Variants in SMARCA2 observed in about 807,000 individuals in gnomAD.
SMARCA2 encodes the protein SWI/SNF-related matrix-associated actin-dependent regulator of chromatin subfamily A member 2.
In SMARCA2, 61 loss-of-function variants were observed where a neutral mutation model predicts 199.8. The ratio of observed to expected loss-of-function variants is 0.31; its 90% CI spans 0.25 to 0.38. SMARCA2 has a LOEUF of 0.38. Ranked by LOEUF, SMARCA2 falls within the 10% of genes least tolerant of loss-of-function variation. SMARCA2 has a pLI of 1.00. For missense variants in SMARCA2, 1,344 were observed against 2,012.2 expected, an observed-to-expected ratio of 0.67 and a Z score of 6.35; for synonymous variants, 935 against 732.0, an observed-to-expected ratio of 1.28 and a Z score of -4.48.
chr9:2,054,461 T>C, intron 5 of SMARCA2, 136 bp from the exon 6 acceptor site: 3 of 1,015,952 alleles, frequency 3.0e-6, no homozygotes, highest in Non-Finnish European at 4.4e-6. Context: ...TCTAGTTGGG[T>C]GTTAGAGATC....
At chr9:2,187,114 A>T (rs796104718) in intron 32 of SMARCA2, among the ~76,000 whole-genome samples, 7 of 150,006 alleles carry the variant, frequency 4.7e-5, no homozygotes, top group African/African-American at 1.7e-4. Context: ...AATTTTGCAT[A>T]GAATTTTTTT....
At chr9:2,057,188 C>T (rs11794868) in intron 7 of SMARCA2, among the ~76,000 whole-genome samples, 1 of 152,198 alleles carries the variant, frequency 6.6e-6, no homozygotes, top group African/African-American at 2.4e-5. Flanking sequence ...GGCTGGAAGC[C>T]TGAGATCAGG....
Position 2,073,051 on chromosome 9 carries a change from G to A in SMARCA2, c.1747-161G>A, listed in dbSNP as rs1358512552. On this transcript the variant is annotated intron_variant, in intron 10 of 33. Coordinates refer to ENST00000349721, the MANE Select transcript of SMARCA2 (RefSeq NM_003070.5). ...GCATTTTCAGTTTCTTTAGTGGGAG[G>A]TAGCCTCTCACCTCCCACCAACACT... is the stretch of plus-strand genomic sequence containing the variant. 8.2e-6 allele frequency: 6 copies of A among 730,350 alleles called. No homozygotes were observed. The East Asian group carries it at 1.4e-4, about 17-fold the overall frequency. The allele number at this position is 730,350 out of a possible 1,614,324, so 45.2% of individuals were successfully genotyped here.
At chr9:2,183,645 A>G (rs1827216414) in intron 31 of SMARCA2, among the ~76,000 whole-genome samples, 1 of 152,204 alleles carries the variant, frequency 6.6e-6, no homozygotes, top group African/African-American at 2.4e-5. Flanking sequence ...AAAGGAATAG[A>G]GAAATCTTCA....
In SMARCA2 at chr9:2,169,138, C is replaced by T. The variant is rs1030251751; in HGVS notation, c.4200-1281C>T. Among the ~76,000 whole-genome samples the T allele has an allele frequency of 6.6e-6, 1 of 152,172 alleles. No homozygotes were observed. Among genetic ancestry groups the T allele is most frequent in the African/African-American group, 2.4e-5 (1 of 41,428 alleles). The stretch of plus-strand genomic sequence containing the variant: ...CACTCAGAGTCCCCTCAACCTGCTC[C>T]TAATTGTCCCTACAAGACACCCGTT... On this transcript the variant is annotated intron_variant, in intron 28 of 33. Coordinates refer to ENST00000349721, the MANE Select transcript of SMARCA2 (RefSeq NM_003070.5). This position sits in a 1 kb window ranked among gnomAD's most constrained non-coding sequence, Gnocchi z 6.5.
At chr9:2,122,213 T>C (rs1227185863) in intron 26 of SMARCA2, among the ~76,000 whole-genome samples, 1 of 152,212 alleles carries the variant, frequency 6.6e-6, no homozygotes, top group Non-Finnish European at 1.5e-5. Context: ...TCCATAGAAA[T>C]GTATTGATTA....
chr9:2,164,567 A>G (rs1825848960), intron 28 of SMARCA2, among the ~76,000 whole-genome samples: 1 of 152,312 alleles, frequency 6.6e-6, no homozygotes, highest in East Asian at 1.9e-4. Context: ...TCAGCCTTTC[A>G]GACTTTGAGG....
intron 12 of SMARCA2, chr9:2,074,953 T>G (rs1304619618): frequency 1.3e-5 from 2 of 152,230 alleles, no homozygotes; most frequent in African/African-American, 4.8e-5. Flanking sequence ...TTTAAAGGTG[T>G]CTTGTTTACT....
intron 7 of SMARCA2, chr9:2,058,053 AG>A (rs1820432604): frequency 2.6e-6 from 1 of 391,872 alleles, no homozygotes; most frequent in Non-Finnish European, 4.7e-6. Context: ...CTCAAGGCTA[AG>A]GAGGCTTCTC....
chr9:2,051,667 G>A (rs1009556043), intron 5 of SMARCA2, among the ~76,000 whole-genome samples: 5 of 152,218 alleles, frequency 3.3e-5, no homozygotes, highest in African/African-American at 1.2e-4. Flanking sequence ...GGGATAGTTT[G>A]AGTTCTAGGA....
At chr9:2,158,757 T>G (rs1045877604) in intron 27 of SMARCA2, 1 of 462,018 alleles carries the variant, frequency 2.2e-6, no homozygotes, top group African/African-American at 2.0e-5. Flanking sequence ...AAAATCTCCA[T>G]GAATAATTTT....
intron 32 of SMARCA2, among the ~76,000 whole-genome samples, chr9:2,187,623 G>C (rs1827562860): frequency 6.6e-6 from 1 of 151,980 alleles, no homozygotes; most frequent in African/African-American, 2.4e-5. Flanking sequence ...GCTGCAGTGA[G>C]CTATGATCAT....
At chr9:2,097,328 T>A in intron 20 of SMARCA2, 57 bp from the exon 21 acceptor site, 1 of 1,140,398 alleles carries the variant, frequency 8.8e-7, no homozygotes, top group Non-Finnish European at 1.3e-6. Flanking sequence ...GTGAAGGATC[T>A]GAAATGTCTG....
chr9:2,036,427 T>G (rs1156297582), intron 3 of SMARCA2, among the ~76,000 whole-genome samples: 1 of 152,204 alleles, frequency 6.6e-6, no homozygotes, highest in African/African-American at 2.4e-5. Flanking sequence ...ACTGTCATCC[T>G]ACAGACCAAT....
At chr9:2,077,851 A>T in intron 14 of SMARCA2, 75 bp downstream of exon 14, 1 of 1,359,594 alleles carries the variant, frequency 7.4e-7, no homozygotes, top group South Asian at 1.3e-5. Flanking sequence ...TGTCGTGCAC[A>T]TGTTGACTAA....
chr9:2,079,332 C>T (rs1224609366), intron 14 of SMARCA2, among the ~76,000 whole-genome samples: 1 of 152,204 alleles, frequency 6.6e-6, no homozygotes, highest in Non-Finnish European at 1.5e-5. Flanking sequence ...TCCTGTAAGA[C>T]TAGCGTCTTC....
At chr9:2,034,439 C>T (rs947503379) in intron 3 of SMARCA2, among the ~76,000 whole-genome samples, 12 of 152,264 alleles carry the variant, frequency 7.9e-5, no homozygotes, top group African/African-American at 2.9e-4. Flanking sequence ...GAAAACTATT[C>T]ACGTACCTCA....
intron 27 of SMARCA2, among the ~76,000 whole-genome samples, chr9:2,125,709 C>G (rs764107158): frequency 1.3e-5 from 2 of 152,160 alleles, no homozygotes; most frequent in Non-Finnish European, 2.9e-5. Flanking sequence ...AGGCTGGTCT[C>G]AAACTCCTGA....
intron 3 of SMARCA2, among the ~76,000 whole-genome samples, chr9:2,034,098 A>G (rs1313847233): frequency 6.6e-6 from 1 of 152,098 alleles, no homozygotes; most frequent in African/African-American, 2.4e-5. Context: ...TACAAAAATC[A>G]GCTGGGCGTG....
Sources: allele counts gnomAD v4.1 joint callset (sites outside exome capture counted in the v4.1 genomes callset), GRCh38; gene constraint gnomAD v4.1.1; non-coding constraint Gnocchi (gnomAD v3.1); transcripts MANE v1.5; gene names NCBI Gene and HGNC (gene_info 2026-07-23, HGNC 2026-07-21).